Variants in ABL1 observed in about 807,000 individuals in gnomAD.
ABL1 encodes the protein tyrosine-protein kinase ABL1.
ABL1 carries 11 observed loss-of-function variants against 94.7 expected under a neutral mutation model. The observed-to-expected ratio is 0.12, with a 90% CI of 0.07 to 0.19. The LOEUF is 0.19. Among genes scored for constraint, ABL1 ranks in the 10% least tolerant of loss-of-function variants. The pLI is 1.00. For synonymous variants in ABL1, 656 were observed against 622.4 expected, an observed-to-expected ratio of 1.05 and a Z score of -0.80; for missense variants, 1,082 against 1,489.4, an observed-to-expected ratio of 0.73 and a Z score of 4.50.
intron 1 of ABL1, among the ~76,000 whole-genome samples, chr9:130,815,764 G>A (rs1830276765): frequency 6.6e-6 from 1 of 152,186 alleles, no homozygotes; most frequent in Non-Finnish European, 1.5e-5. Context: ...GCTTATGCCT[G>A]TAATCCCAGC....
chr9:130,872,290 C>T lies in ABL1; in HGVS notation c.907+77C>T, dbSNP rs144193160. 3.5e-4 allele frequency: 483 copies of T among 1,369,676 alleles called. 1 individual carries two copies. The African/African-American group carries it at 6.0e-3, about 17-fold the overall frequency. 84.8% of individuals were successfully genotyped at this position (1,369,676 alleles called of 1,614,324 possible). A position where few individuals can be genotyped will look rare whatever the true frequency, so the allele number is the denominator to read the frequency against. On this transcript the variant is annotated intron_variant, in intron 5 of 10. Transcript: ENST00000318560. The surrounding 1 kb of genome is among the most constrained non-coding windows in gnomAD (Gnocchi z 5.0). ...TGACACAGGCGCTGGGGAAGACGCA[C>T]GGGCGGCTCACTGCACAAAACCTCG... is the stretch of plus-strand genomic sequence containing the variant.
chr9:130,830,008 GT>G (rs988744209), intron 1 of ABL1, among the ~76,000 whole-genome samples: 1 of 152,032 alleles, frequency 6.6e-6, no homozygotes, highest in African/African-American at 2.4e-5. Flanking sequence ...AGGGATTGCT[GT>G]TTTTTATTAC....
chr9:130,769,966 T>C (rs926722685), intron 1 of ABL1, among the ~76,000 whole-genome samples: 18 of 152,172 alleles, frequency 1.2e-4, no homozygotes, highest in Admixed American at 1.1e-3. Context: ...TCTGGCTTCT[T>C]TCATTCAATA....
Position 130,885,221 on chromosome 9 carries a change from C to G in ABL1, c.2931C>G (p.Ser977Arg), listed in dbSNP as rs1228313826. ...QSAKPSGTPI[S>R]PAPVPSTLPS... ...CCAAGCCGTCGGGGACCCCCATCAG[C>G]CCAGCCCCCGTTCCCTCCACGTTGC... Residue 977 changes from serine (S) to arginine (R), a missense_variant, in exon 11 of 11, where the codon AGC becomes AGG. By Grantham distance (110) the Ser-to-Arg change is moderately radical. Coordinates refer to ENST00000318560, the MANE Select transcript of ABL1 (RefSeq NM_005157.6). The G allele has an allele frequency of 6.2e-7, 1 of 1,613,772 alleles. No individual in the cohort carries two copies. Among genetic ancestry groups the G allele is most frequent in the Non-Finnish European group, 8.5e-7 (1 of 1,180,024 alleles).
chr9:130,786,883 A>G (rs555845294), intron 1 of ABL1, among the ~76,000 whole-genome samples: 5 of 152,392 alleles, frequency 3.3e-5, no homozygotes, highest in African/African-American at 1.2e-4. Flanking sequence ...AGGATGGAAG[A>G]AAAGTATCGG....
Position 130,880,370 on chromosome 9 carries a change from C to T in ABL1, c.1514-130C>T, listed in dbSNP as rs142956019. 2.2e-3 allele frequency: 2,636 copies of T among 1,183,076 alleles called. 10 individuals carry two copies. Among genetic ancestry groups the T allele is most frequent in the Admixed American group, 4.0e-3 (166 of 41,356 alleles). 73.3% of individuals were successfully genotyped at this position (1,183,076 alleles called of 1,614,324 possible). A position where few individuals can be genotyped will look rare whatever the true frequency, so the allele number is the denominator to read the frequency against. Reference sequence around the variant, plus strand: ...ATGCTAAGGGCTGTTTCTCCGGTATCCACGTGCCTTTTCTTTAGTTGTATG... The same window carrying T: ...ATGCTAAGGGCTGTTTCTCCGGTATTCACGTGCCTTTTCTTTAGTTGTATG... On this transcript the variant is annotated intron_variant, in intron 9 of 10. Coordinates refer to ENST00000318560, the MANE Select transcript of ABL1 (RefSeq NM_005157.6). This position sits in a 1 kb window ranked among gnomAD's most constrained non-coding sequence, Gnocchi z 4.4.
chr9:130,872,248 G>T lies in ABL1; in HGVS notation c.907+35G>T. 6.3e-7 allele frequency: 1 copy of T among 1,591,862 alleles called. No individual in the cohort carries two copies. Among genetic ancestry groups the T allele is most frequent in the Non-Finnish European group, 8.6e-7 (1 of 1,162,408 alleles). On this transcript the variant is annotated intron_variant, in intron 5 of 10. Coordinates refer to ENST00000318560, the MANE Select transcript of ABL1 (RefSeq NM_005157.6). The surrounding 1 kb of genome is among the most constrained non-coding windows in gnomAD (Gnocchi z 5.0). ...CCCGGGGCTCTGAAGAGAGGGTCTC[G>T]CGCCGCACCCCCAGGGTGACACAGG...
intron 1 of ABL1, among the ~76,000 whole-genome samples, chr9:130,718,507 T>C (rs1421346975): frequency 6.6e-6 from 1 of 152,158 alleles, no homozygotes; most frequent in Non-Finnish European, 1.5e-5. Flanking sequence ...ATGTGGTAAC[T>C]ATTGATGAGA....
At chr9:130,798,212 G>A (rs1158014565) in intron 1 of ABL1, among the ~76,000 whole-genome samples, 1 of 152,042 alleles carries the variant, frequency 6.6e-6, no homozygotes, top group African/African-American at 2.4e-5. Context: ...GGCTTTTTGA[G>A]TATTTGAGAC....
chr9:130,776,456 C>T (rs552624885), intron 1 of ABL1, among the ~76,000 whole-genome samples: 2 of 152,096 alleles, frequency 1.3e-5, no homozygotes, highest in South Asian at 2.1e-4. Context: ...ATTATCTGGG[C>T]GTGGTGGCTA....
chr9:130,875,594 T>G (rs545904545), intron 7 of ABL1, among the ~76,000 whole-genome samples: 2 of 152,272 alleles, frequency 1.3e-5, no homozygotes, highest in East Asian at 3.9e-4. Flanking sequence ...CCTTAGAGTT[T>G]CGTACGTTCT....
intron 1 of ABL1, among the ~76,000 whole-genome samples, chr9:130,753,407 C>CT (rs1202717752): frequency 1.1e-4 from 15 of 139,872 alleles, no homozygotes; most frequent in African/African-American, 3.2e-4. Context: ...CTCATCTCTT[C>CT]TTTTTTTTTC....
intron 1 of ABL1, among the ~76,000 whole-genome samples, chr9:130,800,472 AG>A (rs948412317): frequency 6.6e-6 from 1 of 151,348 alleles, no homozygotes; most frequent in African/African-American, 2.4e-5. Flanking sequence ...AAAAAAAAAA[AG>A]AACCCAAAAC....
chr9:130,857,971 A>G (rs1238872223), intron 3 of ABL1, among the ~76,000 whole-genome samples: 3 of 152,114 alleles, frequency 2.0e-5, no homozygotes, highest in Non-Finnish European at 4.4e-5. Context: ...TCAGACCACA[A>G]GGGTACCTTT....
At chr9:130,821,983 C>G (rs1316840070) in intron 1 of ABL1, among the ~76,000 whole-genome samples, 1 of 152,018 alleles carries the variant, frequency 6.6e-6, no homozygotes, top group Non-Finnish European at 1.5e-5. Flanking sequence ...GGACTACAGG[C>G]ACCCACCACC....
chr9:130,758,284 C>T (rs867975033), intron 1 of ABL1, among the ~76,000 whole-genome samples: 11 of 152,214 alleles, frequency 7.2e-5, no homozygotes, highest in Admixed American at 2.6e-4. Context: ...CCTCAGCCTC[C>T]CGAGTAGCTG....
In ABL1 at chr9:130,786,964, AAGCTCTTTTCTTAGGTCAGGGC is replaced by A. The variant is rs1477353648; in HGVS notation, c.137-67099_137-67078del. 2.0e-5 allele frequency among the ~76,000 whole-genome samples: 3 copies of A among 152,158 alleles called. No homozygotes were observed. In the East Asian group the frequency reaches 5.8e-4, roughly 29 times the overall value. On this transcript the variant is annotated intron_variant, in intron 1 of 10. Transcript: ENST00000372348. ...TCTGTGATTTCTTTTTGTATTTTTG[AAGCTCTTTTCTTAGGTCAGGGC>A]CACCATGGCTTTTTGTTGCATTGAT...
chr9:130,810,927 C>T (rs1038051241), intron 1 of ABL1, among the ~76,000 whole-genome samples: 1 of 152,030 alleles, frequency 6.6e-6, no homozygotes, highest in African/African-American at 2.4e-5. Context: ...GAAAAAGATA[C>T]ATTATATACT....
At chr9:130,771,741 T>C (rs1256300393) in intron 1 of ABL1, among the ~76,000 whole-genome samples, 1 of 100,542 alleles carries the variant, frequency 9.9e-6, no homozygotes, top group African/African-American at 4.1e-5. Flanking sequence ...TTTTTCTTTC[T>C]TTCTTTCTTT....
Sources: allele counts gnomAD v4.1 joint callset (sites outside exome capture counted in the v4.1 genomes callset), GRCh38; gene constraint gnomAD v4.1.1; non-coding constraint Gnocchi (gnomAD v3.1); transcripts MANE v1.5; gene names NCBI Gene and HGNC (gene_info 2026-07-23, HGNC 2026-07-21).